ATP2B2: variants seen among roughly 807,000 people sequenced by gnomAD.
ATP2B2 encodes the protein plasma membrane calcium-transporting ATPase 2.
A neutral mutation model predicts 120.0 loss-of-function variants in ATP2B2; 15 were observed. The ratio of observed to expected loss-of-function variants is 0.12; its 90% CI spans 0.08 to 0.19. The LOEUF (loss-of-function observed/expected upper bound fraction) is 0.19, where lower values mean the gene tolerates loss of function less well. Among genes scored for constraint, ATP2B2 ranks in the 10% least tolerant of loss-of-function variants. The pLI, the probability that ATP2B2 is intolerant of heterozygous loss-of-function variation, is 1.00. For missense variants in ATP2B2, 1,045 were observed against 1,719.8 expected (o/e 0.61, Z 6.94); for synonymous variants, 694 against 700.3 (o/e 0.99, Z 0.14).
At chr3:10,471,364 C>CTGAGTGTGTGTG (rs1221371075) in intron 1 of ATP2B2, among the ~76,000 whole-genome samples, 26,290 of 150,358 alleles carry the variant, frequency 0.17, 2,927 homozygotes, top group Non-Finnish European at 0.25. Flanking sequence ...TTCAGGAAAC[C>CTGAGTGTGTGTG]TGTGTGTGTG....
chr3:10,485,900 G>A (rs1422712428), intron 1 of ATP2B2, among the ~76,000 whole-genome samples: 1 of 152,178 alleles, frequency 6.6e-6, no homozygotes, highest in African/African-American at 2.4e-5. Flanking sequence ...TGAGATCCAT[G>A]CTCTGAGCAC....
intron 2 of ATP2B2, among the ~76,000 whole-genome samples, chr3:10,577,051 CAAAAAAAA>C (rs71055823): frequency 2.7e-5 from 3 of 109,354 alleles, no homozygotes; most frequent in Non-Finnish European, 1.9e-5. Flanking sequence ...GACTCTGTGT[CAAAAAAAA>C]AAAAAAAAAA....
chr3:10,523,927 C>A (rs757104601), intron 3 of ATP2B2, among the ~76,000 whole-genome samples: 1 of 152,076 alleles, frequency 6.6e-6, no homozygotes, highest in Non-Finnish European at 1.5e-5. Flanking sequence ...GAGCAGCCCA[C>A]TGAAAATACA....
At chr3:10,381,158 T>G (rs577528808) in intron 8 of ATP2B2, among the ~76,000 whole-genome samples, 1 of 152,306 alleles carries the variant, frequency 6.6e-6, no homozygotes, top group African/African-American at 2.4e-5. Flanking sequence ...CAAGGGTAAG[T>G]GCAGAGCTGT....
At chr3:10,455,554 G>T (rs2064223144) in intron 1 of ATP2B2, among the ~76,000 whole-genome samples, 1 of 152,192 alleles carries the variant, frequency 6.6e-6, no homozygotes, top group Non-Finnish European at 1.5e-5. Flanking sequence ...TGAAACACTG[G>T]CTTCCTTGAG....
At chr3:10,429,096 C>G (rs933854313) in intron 2 of ATP2B2, among the ~76,000 whole-genome samples, 3 of 152,166 alleles carry the variant, frequency 2.0e-5, no homozygotes, top group African/African-American at 7.2e-5. Context: ...AATCTCCACT[C>G]AGGCCCCACC....
chr3:10,575,785 T>C (rs964690377), intron 2 of ATP2B2, among the ~76,000 whole-genome samples: 8 of 152,194 alleles, frequency 5.3e-5, no homozygotes, highest in African/African-American at 1.7e-4. Context: ...AGGGAGGCTC[T>C]ATGTAGGGTT....
chr3:10,410,982 AG>A (rs1439309321), intron 2 of ATP2B2, among the ~76,000 whole-genome samples, 167 bp from the exon 3 acceptor site: 3 of 152,186 alleles, frequency 2.0e-5, no homozygotes, highest in Non-Finnish European at 2.9e-5. Flanking sequence ...TCCTGCCAAA[AG>A]CCAGAGACAC....
At chr3:10,686,429 C>A (rs989900642) in intron 1 of ATP2B2, among the ~76,000 whole-genome samples, 2 of 152,058 alleles carry the variant, frequency 1.3e-5, no homozygotes, top group South Asian at 2.1e-4. Context: ...CCGAGGCGGG[C>A]GGATTGCAAG....
At chr3:10,338,133 GC>G in intron 22 of ATP2B2, 42 bp downstream of exon 22, 1 of 1,611,432 alleles carries the variant, frequency 6.2e-7, no homozygotes, top group South Asian at 1.1e-5. Context: ...CCCCTGGCCC[GC>G]CCCGGCCAGG....
Position 10,541,166 on chromosome 3 carries a change from T to G in ATP2B2, c.-414-7033A>C, listed in dbSNP as rs908052959. On this transcript the variant is annotated intron_variant, in intron 2 of 21. Coordinates refer to the ATP2B2 transcript ENST00000646379. Reference sequence around the variant, plus strand: ...TTCTCTTTCTGTCTTGTTCTCTTTTTGGTTAGTTTTGCTAGAATTTTTTGA... The same window carrying G: ...TTCTCTTTCTGTCTTGTTCTCTTTTGGGTTAGTTTTGCTAGAATTTTTTGA... 2.0e-5 allele frequency among the ~76,000 whole-genome samples: 3 copies of G among 152,206 alleles called. No homozygotes were observed. The East Asian group carries it at 5.8e-4, about 29-fold the overall frequency.
chr3:10,358,988 C>G, intron 13 of ATP2B2, 63 bp from the exon 14 acceptor site: 1 of 1,479,670 alleles, frequency 6.8e-7, no homozygotes, highest in African/African-American at 1.4e-5. Flanking sequence ...GGCTTAGAGA[C>G]CACCTCCCCA....
At chr3:10,652,298 A>C (rs1346516930) in intron 1 of ATP2B2, among the ~76,000 whole-genome samples, 3 of 152,186 alleles carry the variant, frequency 2.0e-5, no homozygotes, top group Admixed American at 2.0e-4. Flanking sequence ...CACCATTTTC[A>C]AGTGAAGTCC....
chr3:10,513,482 G>C (rs1157903765), intron 3 of ATP2B2, among the ~76,000 whole-genome samples: 1 of 152,126 alleles, frequency 6.6e-6, no homozygotes, highest in East Asian at 1.9e-4. Context: ...AGGGTTTTCA[G>C]GATGGAACCC....
chr3:10,569,827 T>C (rs1283103675), intron 2 of ATP2B2, among the ~76,000 whole-genome samples: 4 of 152,182 alleles, frequency 2.6e-5, no homozygotes, highest in Non-Finnish European at 5.9e-5. Context: ...CAGCATAGAC[T>C]GCTCTTTTTG....
At chr3:10,378,452 T>C (rs111463188) in intron 9 of ATP2B2, 42 bp from the exon 10 acceptor site, 27 of 1,598,356 alleles carry the variant, frequency 1.7e-5, no homozygotes, top group African/African-American at 1.3e-4. Flanking sequence ...CACAGACACA[T>C]AGACACACAT....
chr3:10,377,038 G>C (rs958784920), intron 10 of ATP2B2, among the ~76,000 whole-genome samples: 5 of 152,216 alleles, frequency 3.3e-5, no homozygotes, highest in African/African-American at 1.2e-4. Context: ...CAGCCAAAGA[G>C]AGAGGCAGAG....
intron 2 of ATP2B2, among the ~76,000 whole-genome samples, chr3:10,614,395 G>T (rs1181095300): frequency 1.3e-5 from 2 of 152,070 alleles, no homozygotes; most frequent in African/African-American, 4.8e-5. Context: ...AGATGTGGCA[G>T]GAATCGCTGT....
intron 1 of ATP2B2, among the ~76,000 whole-genome samples, chr3:10,472,096 AAAAAAG>A (rs1331051715): frequency 2.9e-4 from 44 of 151,558 alleles, no homozygotes; most frequent in African/African-American, 8.9e-4. Context: ...AAAAAAAAAA[AAAAAAG>A]AGATACATCA....
Sources: allele counts gnomAD v4.1 joint callset (sites outside exome capture counted in the v4.1 genomes callset), GRCh38; gene constraint gnomAD v4.1.1; transcripts MANE v1.5; gene names NCBI Gene and HGNC (gene_info 2026-07-23, HGNC 2026-07-21).